Variants in ZNF385D observed in about 807,000 individuals in gnomAD.
ZNF385D encodes the protein zinc finger protein 659.
ZNF385D carries 15 observed loss-of-function variants against 35.8 expected under a neutral mutation model. The observed-to-expected ratio is 0.42, with a 90% CI of 0.28 to 0.64. The LOEUF (loss-of-function observed/expected upper bound fraction) is 0.64, where lower values mean the gene tolerates loss of function less well. Among genes scored for constraint, ZNF385D ranks in the 30% least tolerant of loss-of-function variants. The probability of loss-of-function intolerance (pLI) is 0.23; values close to 1 mark genes in which losing one functional copy is unlikely to be tolerated. For missense variants in ZNF385D, 474 were observed against 494.6 expected (o/e 0.96, Z 0.39); for synonymous variants, 212 against 186.8 (o/e 1.13, Z -1.10).
chr3:21,893,371 G>A (rs1305027962), intron 3 of ZNF385D, among the ~76,000 whole-genome samples: 2 of 152,080 alleles, frequency 1.3e-5, no homozygotes, highest in African/African-American at 4.8e-5. Context: ...AAACAAAAAA[G>A]TGCCTTGCAC....
chr3:21,944,337 C>G (rs367606175), intron 3 of ZNF385D, among the ~76,000 whole-genome samples: 1 of 152,190 alleles, frequency 6.6e-6, no homozygotes, highest in South Asian at 2.1e-4. Context: ...ACACTGAGAA[C>G]TGTCAAAGCT....
intron 3 of ZNF385D, among the ~76,000 whole-genome samples, chr3:22,085,044 C>A (rs572462267): frequency 1.3e-5 from 2 of 152,236 alleles, no homozygotes; most frequent in Admixed American, 6.5e-5. Flanking sequence ...AAAGACACAA[C>A]ATATCAGAAT....
rs180928129 is a variant in ZNF385D at position 21,544,033 on chromosome 3, T to C, written c.276+20541A>G. On this transcript the variant is annotated intron_variant, in intron 3 of 7. Transcript: ENST00000281523. ...TAGTGTGTGATGTCCGTAAAAAGAG[T>C]TCTAATTAATTTGTCCTAAAGAAAG... Among the ~76,000 whole-genome samples, 28 of 152,078 alleles carry C rather than the reference T, an allele frequency of 1.8e-4. No homozygotes were observed. The East Asian group carries it at 4.8e-3, about 26-fold the overall frequency.
At chr3:21,629,085 C>T (rs775218991) in intron 2 of ZNF385D, among the ~76,000 whole-genome samples, 1 of 152,050 alleles carries the variant, frequency 6.6e-6, no homozygotes, top group African/African-American at 2.4e-5. Flanking sequence ...TGCAGAGGAT[C>T]AGGCCTTTTT....
chr3:22,230,538 C>A (rs921580177), intron 2 of ZNF385D, among the ~76,000 whole-genome samples: 2 of 152,112 alleles, frequency 1.3e-5, no homozygotes, highest in Admixed American at 6.5e-5. Flanking sequence ...TCCAACTAGC[C>A]CCAGACTATA....
rs942361171 is a variant in ZNF385D, at chr3:21,920,288, C to T, written c.325+248529G>A. On this transcript the variant is annotated intron_variant, in intron 3 of 5. Transcript: ENST00000494108. ...AACACTATGACCAGGGCCTGACAGACGCAGTGCTTCAAACACAGTTGTGTA... is the reference window on the plus strand; with the variant it reads ...AACACTATGACCAGGGCCTGACAGATGCAGTGCTTCAAACACAGTTGTGTA... Among the ~76,000 whole-genome samples, 10 of 152,076 alleles carry T rather than the reference C, an allele frequency of 6.6e-5. No individual in the cohort carries two copies. The South Asian group carries it at 1.7e-3, about 25-fold the overall frequency.
At chr3:21,555,546 TC>T (rs1471648867) in intron 3 of ZNF385D, among the ~76,000 whole-genome samples, 64 of 143,488 alleles carry the variant, frequency 4.5e-4, no homozygotes, top group Admixed American at 4.4e-3. Flanking sequence ...CATGAATTCA[TC>T]CTTTTTTATG....
intron 3 of ZNF385D, among the ~76,000 whole-genome samples, chr3:21,772,560 C>T (rs760906185): frequency 6.6e-5 from 10 of 151,764 alleles, no homozygotes; most frequent in East Asian, 1.9e-4. Context: ...AAGAAAATAA[C>T]GTATTGATGA....
intron 4 of ZNF385D, among the ~76,000 whole-genome samples, chr3:21,455,720 A>G (rs1702764048): frequency 6.6e-6 from 1 of 152,194 alleles, no homozygotes; most frequent in African/African-American, 2.4e-5. Context: ...AATGGCAACA[A>G]AAGCCAAAAT....
chr3:22,077,917 A>T (rs1700547167), intron 3 of ZNF385D, among the ~76,000 whole-genome samples: 1 of 152,020 alleles, frequency 6.6e-6, no homozygotes, highest in Non-Finnish European at 1.5e-5. Context: ...CATGTCTGAT[A>T]CCTGAAACCT....
At chr3:21,640,069 T>G (rs983715316) in intron 2 of ZNF385D, among the ~76,000 whole-genome samples, 4 of 149,424 alleles carry the variant, frequency 2.7e-5, no homozygotes, top group Non-Finnish European at 5.9e-5. Flanking sequence ...CAGAATGCTT[T>G]CTTTCTTTCT....
intron 2 of ZNF385D, among the ~76,000 whole-genome samples, chr3:21,591,824 A>G (rs956905002): frequency 6.6e-6 from 1 of 152,094 alleles, no homozygotes; most frequent in African/African-American, 2.4e-5. Context: ...TCCTTCTCCA[A>G]TATCTAGCCT....
chr3:22,088,972 G>T (rs1701181691), intron 3 of ZNF385D, among the ~76,000 whole-genome samples: 1 of 152,090 alleles, frequency 6.6e-6, no homozygotes, highest in Non-Finnish European at 1.5e-5. Context: ...ACTCTTAAAA[G>T]ATTTAATTGA....
chr3:21,813,386 G>A (rs182622537), intron 3 of ZNF385D, among the ~76,000 whole-genome samples: 3 of 152,204 alleles, frequency 2.0e-5, no homozygotes, highest in East Asian at 1.9e-4. Context: ...CAGAAGAGTG[G>A]TAATAACAAA....
intron 3 of ZNF385D, chr3:22,134,384 T>A (rs996142791): frequency 6.6e-6 from 1 of 151,914 alleles, no homozygotes; most frequent in Non-Finnish European, 1.5e-5. Flanking sequence ...GAAGCAAAAA[T>A]GGCAAAACTG....
At chr3:22,039,416 T>G (rs1698531229) in intron 3 of ZNF385D, among the ~76,000 whole-genome samples, 1 of 152,076 alleles carries the variant, frequency 6.6e-6, no homozygotes, top group Non-Finnish European at 1.5e-5. Context: ...CATGGTAAAT[T>G]TAGAACTTAG....
At chr3:21,812,662 T>A (rs190624540) in intron 3 of ZNF385D, among the ~76,000 whole-genome samples, 1 of 152,172 alleles carries the variant, frequency 6.6e-6, no homozygotes, top group Admixed American at 6.5e-5. Context: ...GAGTGCGCCA[T>A]TGCTGAGGCT....
chr3:22,102,691 A>G (rs9840813), intron 3 of ZNF385D, among the ~76,000 whole-genome samples: 3 of 151,888 alleles, frequency 2.0e-5, no homozygotes, highest in African/African-American at 4.8e-5. Context: ...GCCTTAACCT[A>G]TATTTAAACT....
chr3:22,333,475 TTCTC>T (rs758557598), intron 2 of ZNF385D, among the ~76,000 whole-genome samples: 8 of 152,176 alleles, frequency 5.3e-5, no homozygotes, highest in Non-Finnish European at 7.4e-5. Context: ...CTATCTTTTT[TTCTC>T]TCTGTTATTT....
Sources: allele counts gnomAD v4.1 joint callset (sites outside exome capture counted in the v4.1 genomes callset), GRCh38; gene constraint gnomAD v4.1.1; transcripts MANE v1.5; gene names NCBI Gene and HGNC (gene_info 2026-07-23, HGNC 2026-07-21).